MARCHF1: variants seen among roughly 807,000 people sequenced by gnomAD.
MARCHF1 encodes the protein E3 ubiquitin-protein ligase MARCHF1.
A neutral mutation model predicts 54.2 loss-of-function variants in MARCHF1; 40 were observed. The ratio of observed to expected loss-of-function variants is 0.74; its 90% CI spans 0.57 to 0.96. The LOEUF (loss-of-function observed/expected upper bound fraction) is 0.96. Ranked by LOEUF, MARCHF1 falls within the 40% of genes least tolerant of loss-of-function variation. The pLI is 0.00. For synonymous variants in MARCHF1, 236 were observed against 236.3 expected, an observed-to-expected ratio of 1.00 and a Z score of 0.01; for missense variants, 586 against 656.5, an observed-to-expected ratio of 0.89 and a Z score of 1.17.
intron 1 of MARCHF1, among the ~76,000 whole-genome samples, chr4:164,306,849 G>C (rs1403918464): frequency 6.6e-6 from 1 of 152,060 alleles, no homozygotes; most frequent in Non-Finnish European, 1.5e-5. Flanking sequence ...TTAAAAGGTA[G>C]ATATTCAACA....
At chr4:163,605,691 T>C (rs565083296) in intron 7 of MARCHF1, among the ~76,000 whole-genome samples, 1 of 152,122 alleles carries the variant, frequency 6.6e-6, no homozygotes, top group East Asian at 1.9e-4. Context: ...ATAAGGAAAA[T>C]GTGGCACATA....
chr4:163,632,746 T>C (rs376691127), intron 5 of MARCHF1, among the ~76,000 whole-genome samples: 13 of 152,296 alleles, frequency 8.5e-5, no homozygotes, highest in Non-Finnish European at 1.5e-4. Flanking sequence ...GAGCCCACCA[T>C]AGCTCAAGGA....
At chr4:163,660,591 T>C (rs1386797199) in intron 5 of MARCHF1, among the ~76,000 whole-genome samples, 4 of 151,766 alleles carry the variant, frequency 2.6e-5, no homozygotes, top group African/African-American at 9.7e-5. Context: ...AAAACTGTAA[T>C]TGTTTGACTT....
At chr4:163,911,484 A>G (rs961934811) in intron 3 of MARCHF1, among the ~76,000 whole-genome samples, 3 of 152,198 alleles carry the variant, frequency 2.0e-5, no homozygotes, top group African/African-American at 7.2e-5. Flanking sequence ...TATCTAAGCC[A>G]GATCATCTAA....
At chr4:164,072,183 G>T (rs1242651868) in intron 2 of MARCHF1, among the ~76,000 whole-genome samples, 1 of 152,132 alleles carries the variant, frequency 6.6e-6, no homozygotes, top group Non-Finnish European at 1.5e-5. Flanking sequence ...CACAGAAACT[G>T]CCGATATTAC....
At chr4:163,756,588 C>G (rs1208297868) in intron 4 of MARCHF1, among the ~76,000 whole-genome samples, 1 of 133,994 alleles carries the variant, frequency 7.5e-6, no homozygotes, top group Non-Finnish European at 1.5e-5. Flanking sequence ...GCCGAGATAG[C>G]GCCACTGTAC....
chr4:163,742,312 T>C lies in MARCHF1; in HGVS notation c.112-41449A>G, dbSNP rs542503691. On this transcript the variant is annotated intron_variant, in intron 4 of 9. Coordinates refer to ENST00000514618, the MANE Select transcript of MARCHF1 (RefSeq NM_001394959.1). ...AGTACTAAAAGGGATTAACTCTTCTTTCCCTTTCTCTCCCTCCCTTTCCCT... is the reference window on the plus strand; with the variant it reads ...AGTACTAAAAGGGATTAACTCTTCTCTCCCTTTCTCTCCCTCCCTTTCCCT... 6.6e-5 allele frequency among the ~76,000 whole-genome samples: 10 copies of C among 151,774 alleles called. No homozygotes were observed. In the South Asian group the frequency reaches 2.1e-3, roughly 32 times the overall value.
chr4:163,857,487 C>T (rs953128305), intron 3 of MARCHF1, among the ~76,000 whole-genome samples: 3 of 151,912 alleles, frequency 2.0e-5, no homozygotes, highest in Non-Finnish European at 2.9e-5. Context: ...TAGTAATATA[C>T]CAAAATAGGA....
At chr4:163,999,920 A>G (rs1027224642) in intron 2 of MARCHF1, among the ~76,000 whole-genome samples, 33 of 151,710 alleles carry the variant, frequency 2.2e-4, no homozygotes, top group African/African-American at 7.2e-4. Context: ...ACTCTGTCTG[A>G]TACCAAAAAA....
chr4:163,612,254 T>C lies in MARCHF1; in HGVS notation c.1010+17A>G. 6.8e-7 allele frequency: 1 copy of C among 1,468,764 alleles called. No individual in the cohort carries two copies. The highest frequency in any genetic ancestry group is 8.9e-7 in the Non-Finnish European group (1 of 1,119,688). 91.0% of individuals were successfully genotyped at this position (1,468,764 alleles called of 1,614,324 possible). On this transcript the variant is annotated intron_variant, in intron 7 of 9. Transcript: ENST00000514618. Reference sequence around the variant, plus strand: ...CTATATATGGATGACATCAAGCCTTTCTCTACAGTGACTGACCTGCATACT... The same window carrying C: ...CTATATATGGATGACATCAAGCCTTCCTCTACAGTGACTGACCTGCATACT...
intron 1 of MARCHF1, among the ~76,000 whole-genome samples, chr4:164,345,714 A>G (rs1477842866): frequency 4.0e-5 from 6 of 151,894 alleles, no homozygotes; most frequent in Non-Finnish European, 8.8e-5. Context: ...ACTCTTGTCA[A>G]TGTTAAATAT....
chr4:164,147,701 T>A (rs1299910518), intron 1 of MARCHF1, among the ~76,000 whole-genome samples: 2 of 137,422 alleles, frequency 1.5e-5, no homozygotes, highest in African/African-American at 5.5e-5. Flanking sequence ...AGGGATAGCA[T>A]TGGGAGATAT....
rs553733768 is a variant in MARCHF1, at chr4:163,727,064, A to C, written c.112-26201T>G. ...CAGTGCCTTTTGCAGCGAAGTTTTAAATTTTAATGAAGTCCAGTTTGTGTT... is the reference window on the plus strand; with the variant it reads ...CAGTGCCTTTTGCAGCGAAGTTTTACATTTTAATGAAGTCCAGTTTGTGTT... On this transcript the variant is annotated intron_variant, in intron 4 of 9. Coordinates refer to ENST00000514618, the MANE Select transcript of MARCHF1 (RefSeq NM_001394959.1). Among the ~76,000 whole-genome samples, 14 of 152,236 alleles carry C rather than the reference A, an allele frequency of 9.2e-5. No homozygotes were observed. The South Asian group carries it at 1.5e-3, about 16-fold the overall frequency.
chr4:164,027,121 T>C (rs569826642), intron 2 of MARCHF1, among the ~76,000 whole-genome samples: 38 of 151,776 alleles, frequency 2.5e-4, no homozygotes, highest in African/African-American at 9.2e-4. Flanking sequence ...TGCTCATGGA[T>C]TGGAAAAATC....
At chr4:163,686,419 T>C (rs931555637) in intron 5 of MARCHF1, among the ~76,000 whole-genome samples, 1 of 149,928 alleles carries the variant, frequency 6.7e-6, no homozygotes, top group Non-Finnish European at 1.5e-5. Flanking sequence ...GAAAGTTGAA[T>C]GGAGGCACCA....
At chr4:163,788,020 A>G (rs1747669729) in intron 4 of MARCHF1, among the ~76,000 whole-genome samples, 1 of 152,020 alleles carries the variant, frequency 6.6e-6, no homozygotes, top group Non-Finnish European at 1.5e-5. Context: ...AAAGTAGTGA[A>G]AATTATGCAA....
chr4:164,039,006 A>G (rs1425476505), intron 2 of MARCHF1, among the ~76,000 whole-genome samples: 2 of 152,232 alleles, frequency 1.3e-5, no homozygotes, highest in Non-Finnish European at 2.9e-5. Flanking sequence ...AAACACTTAA[A>G]GAAAAATCAT....
At chr4:163,791,727 C>G (rs912916735) in intron 4 of MARCHF1, among the ~76,000 whole-genome samples, 1 of 152,118 alleles carries the variant, frequency 6.6e-6, no homozygotes, top group Admixed American at 6.6e-5. Context: ...GTTTCCTTCA[C>G]CTGATTTCTT....
chr4:163,671,065 T>C (rs189199576), intron 5 of MARCHF1, among the ~76,000 whole-genome samples: 4 of 152,212 alleles, frequency 2.6e-5, no homozygotes, highest in Non-Finnish European at 5.9e-5. Context: ...GACTGGATAG[T>C]TGATGAAGGA....
Sources: allele counts gnomAD v4.1 joint callset (sites outside exome capture counted in the v4.1 genomes callset), GRCh38; gene constraint gnomAD v4.1.1; transcripts MANE v1.5; gene names NCBI Gene and HGNC (gene_info 2026-07-23, HGNC 2026-07-21).